Variants in EML4 observed in about 807,000 individuals in gnomAD.
The protein encoded by EML4 is EMAP like 4, also known as echinoderm microtubule-associated protein-like 4.
In EML4, 72 loss-of-function variants were observed where a neutral mutation model predicts 129.0. The ratio of observed to expected loss-of-function variants is 0.56; its 90% CI spans 0.46 to 0.68. The LOEUF (loss-of-function observed/expected upper bound fraction) is 0.68, where lower values mean the gene tolerates loss of function less well. Among genes scored for constraint, EML4 ranks in the 30% least tolerant of loss-of-function variants. The probability of loss-of-function intolerance (pLI) is 0.00; values close to 1 mark genes in which losing one functional copy is unlikely to be tolerated. For synonymous variants in EML4, 532 were observed against 405.0 expected (o/e 1.31, Z -3.77); for missense variants, 1,363 against 1,190.6 (o/e 1.14, Z -2.13).
intron 6 of EML4, among the ~76,000 whole-genome samples, chr2:42,273,323 T>C (rs1295399219): frequency 2.0e-5 from 3 of 152,160 alleles, no homozygotes; most frequent in Non-Finnish European, 4.4e-5. Flanking sequence ...TTCCATCTTT[T>C]CCCAATAAAG....
At chr2:42,285,166 CT>C (rs1360399204) in intron 9 of EML4, among the ~76,000 whole-genome samples, 1 of 152,116 alleles carries the variant, frequency 6.6e-6, no homozygotes, top group Non-Finnish European at 1.5e-5. Context: ...GCCTTGGCCT[CT>C]TGAGTGAGTA....
chr2:42,284,872 GAC>G (rs1488220912), intron 9 of EML4, among the ~76,000 whole-genome samples, 169 bp downstream of exon 9: 2 of 152,128 alleles, frequency 1.3e-5, no homozygotes, highest in Non-Finnish European at 2.9e-5. Flanking sequence ...CACTTTAAAA[GAC>G]AGAGTCATAC....
intron 1 of EML4, among the ~76,000 whole-genome samples, chr2:42,210,860 ATTTAT>A (rs974151373): frequency 1.3e-5 from 2 of 152,118 alleles, no homozygotes; most frequent in Non-Finnish European, 2.9e-5. Context: ...GTTTTTAGAG[ATTTAT>A]TTTAAGATTA....
chr2:42,326,390 T>A, intron 21 of EML4, 138 bp downstream of exon 21: 1 of 614,652 alleles, frequency 1.6e-6, no homozygotes, highest in Non-Finnish European at 2.7e-6. Flanking sequence ...TCAGAGAAAT[T>A]AAATGTATTA....
chr2:42,330,229 CTT>C lies in EML4; in HGVS notation c.*25_*26del. 3.1e-6 allele frequency: 5 copies of C among 1,598,494 alleles called. No individual in the cohort carries two copies. The highest frequency in any genetic ancestry group is 2.7e-5 in the African/African-American group (2 of 74,560). Reference sequence around the variant, plus strand: ...CTAACACCCTGGCTTCAGTGCAACTCTTTTCCTTCAGCTGCATGTGATTTTGT... The same window carrying C: ...CTAACACCCTGGCTTCAGTGCAACTCTTCCTTCAGCTGCATGTGATTTTGT... On this transcript the variant is annotated 3_prime_UTR_variant, in exon 23 of 23. Transcript: ENST00000318522.
chr2:42,283,956 T>G (rs747981224), intron 8 of EML4, among the ~76,000 whole-genome samples: 7 of 152,200 alleles, frequency 4.6e-5, no homozygotes, highest in Non-Finnish European at 1.0e-4. Flanking sequence ...GTACAACCGT[T>G]GTTGAAAGAG....
chr2:42,200,251 G>A (rs1405340395), intron 1 of EML4, among the ~76,000 whole-genome samples: 2 of 152,124 alleles, frequency 1.3e-5, no homozygotes, highest in Non-Finnish European at 2.9e-5. Flanking sequence ...TGTGAACCCG[G>A]GAGGCGGAGC....
At chr2:42,250,892 A>ATGGGG (rs1675722779) in intron 2 of EML4, among the ~76,000 whole-genome samples, 1 of 152,204 alleles carries the variant, frequency 6.6e-6, no homozygotes, top group South Asian at 2.1e-4. Context: ...AGCTGGTCCC[A>ATGGGG]TGTTGGGGTG....
At chr2:42,177,547 T>C (rs916409758) in intron 1 of EML4, among the ~76,000 whole-genome samples, 1 of 152,020 alleles carries the variant, frequency 6.6e-6, no homozygotes, top group African/African-American at 2.4e-5. Context: ...TGCTGGAGCC[T>C]GGGAGGTGGA....
intron 1 of EML4, among the ~76,000 whole-genome samples, chr2:42,187,007 T>C (rs1170612889): frequency 6.7e-6 from 1 of 148,772 alleles, no homozygotes; most frequent in Non-Finnish European, 1.5e-5. Flanking sequence ...TCTGCTTTTT[T>C]CCATTGTATT....
At chr2:42,268,974 G>A (rs1666221479) in intron 6 of EML4, among the ~76,000 whole-genome samples, 1 of 152,178 alleles carries the variant, frequency 6.6e-6, no homozygotes, top group African/African-American at 2.4e-5. Context: ...GAAAAAGGAA[G>A]TCATCAATCA....
chr2:42,314,865 T>A (rs146635408), intron 17 of EML4, among the ~76,000 whole-genome samples: 2 of 152,224 alleles, frequency 1.3e-5, no homozygotes, highest in Non-Finnish European at 2.9e-5. Flanking sequence ...TCAAATACTT[T>A]TAGGAAAAAG....
At chr2:42,179,254 G>A (rs115865862) in intron 1 of EML4, among the ~76,000 whole-genome samples, 2 of 131,442 alleles carry the variant, frequency 1.5e-5, no homozygotes, top group African/African-American at 5.7e-5. Context: ...TAAAACGTCG[G>A]GGAGCTGGGT....
At position 42,279,291 on chromosome 2, in the gene EML4, G is replaced by T. The variant is rs182620806; in HGVS notation, c.668-1559G>T. Among the ~76,000 whole-genome samples the T allele has an allele frequency of 3.0e-4, 45 of 152,218 alleles. No homozygotes were observed. The East Asian group carries it at 4.1e-3, about 14-fold the overall frequency. On this transcript the variant is annotated intron_variant, in intron 6 of 22. Transcript: ENST00000318522. ...ATATCTCCTCAAGATCCTAATTTCA[G>T]TTCTTCTAGAAAATACCCAGTAGTG...
intron 1 of EML4, among the ~76,000 whole-genome samples, chr2:42,240,132 A>G (rs192672812): frequency 1.5e-3 from 227 of 152,268 alleles, no homozygotes; most frequent in African/African-American, 5.3e-3. Context: ...TATGATAGAA[A>G]TTTAAGTTAT....
intron 6 of EML4, among the ~76,000 whole-genome samples, chr2:42,268,627 A>G (rs1212286454): frequency 1.3e-5 from 2 of 152,096 alleles, no homozygotes; most frequent in South Asian, 2.1e-4. Flanking sequence ...TTATAGAGGC[A>G]GGGTGTCACT....
intron 1 of EML4, among the ~76,000 whole-genome samples, chr2:42,183,634 G>T (rs928800164): frequency 6.6e-6 from 1 of 151,888 alleles, no homozygotes; most frequent in Non-Finnish European, 1.5e-5. Context: ...TCCATTCTCA[G>T]TTCCTTTTTT....
At chr2:42,286,439 G>A (rs750805077) in intron 10 of EML4, 60 bp downstream of exon 10, 129 of 1,059,928 alleles carry the variant, frequency 1.2e-4, no homozygotes, top group Non-Finnish European at 1.4e-4. Context: ...AAGAAGTTAA[G>A]CTCAGTTTTG....
At chr2:42,296,747 C>G (rs1259274616) in intron 13 of EML4, among the ~76,000 whole-genome samples, 1 of 152,158 alleles carries the variant, frequency 6.6e-6, no homozygotes, top group African/African-American at 2.4e-5. Flanking sequence ...GATGAAAGCA[C>G]TGTTTTCACC....
Sources: gnomAD v4.1 joint callset for allele counts (sites outside exome capture counted in the v4.1 genomes callset) on GRCh38, gnomAD v4.1.1 for gene constraint, MANE v1.5 for transcripts, NCBI Gene and HGNC (gene_info 2026-07-23, HGNC 2026-07-21) for gene names.